STK3: variants seen among roughly 807,000 people sequenced by gnomAD.
STK3 encodes the protein serine/threonine-protein kinase 3.
Under a neutral mutation model 58.0 loss-of-function variants are expected in STK3, and 41 were observed. The ratio of observed to expected loss-of-function variants is 0.71; its 90% CI spans 0.55 to 0.92. The LOEUF (loss-of-function observed/expected upper bound fraction) is 0.92, where lower values mean the gene tolerates loss of function less well. Among genes scored for constraint, STK3 ranks in the 40% least tolerant of loss-of-function variants. STK3 has a pLI of 0.00. For missense variants in STK3, 479 were observed against 602.7 expected (o/e 0.79, Z 2.15); for synonymous variants, 170 against 191.0 (o/e 0.89, Z 0.91).
chr8:98,511,995 A>C (rs1264108986), intron 10 of STK3, among the ~76,000 whole-genome samples: 2 of 152,026 alleles, frequency 1.3e-5, no homozygotes, highest in African/African-American at 4.8e-5. Flanking sequence ...TTACACTTTA[A>C]GTTTTAGGGT....
chr8:98,860,459 G>A (rs372820757), intron 3 of STK3, among the ~76,000 whole-genome samples: 11 of 152,306 alleles, frequency 7.2e-5, no homozygotes, highest in African/African-American at 2.6e-4. Flanking sequence ...AAAATCAGAA[G>A]AAAGACCAGT....
At chr8:98,554,203 G>T (rs137975208) in intron 8 of STK3, among the ~76,000 whole-genome samples, 29 of 152,172 alleles carry the variant, frequency 1.9e-4, no homozygotes, top group African/African-American at 6.7e-4. Context: ...GCAAGAACAT[G>T]TTTCATTTTC....
intron 8 of STK3, among the ~76,000 whole-genome samples, chr8:98,555,666 C>A (rs918738970): frequency 2.0e-5 from 3 of 151,970 alleles, no homozygotes; most frequent in Non-Finnish European, 2.9e-5. Flanking sequence ...CAGAAAAAAA[C>A]GTGTAAAATA....
chr8:98,524,365 T>A (rs896420385), intron 10 of STK3, among the ~76,000 whole-genome samples: 6 of 152,236 alleles, frequency 3.9e-5, no homozygotes, highest in African/African-American at 7.2e-5. Flanking sequence ...AATTTTAGGA[T>A]GAGTTTTTTT....
At chr8:98,386,074 G>A (rs1281216787) in intron 1 of STK3, among the ~76,000 whole-genome samples, 1 of 152,172 alleles carries the variant, frequency 6.6e-6, no homozygotes, top group African/African-American at 2.4e-5. Context: ...AATATACTCT[G>A]TTAGGTAGGC....
Position 98,937,909 on chromosome 8 carries a change from A to G in STK3, c.-79+4469T>C, listed in dbSNP as rs529240325. Among the ~76,000 whole-genome samples, 3 of 152,362 alleles carry G rather than the reference A, an allele frequency of 2.0e-5. No individual in the cohort carries two copies. The South Asian group carries it at 6.2e-4, about 32-fold the overall frequency. ...CTATATCAAACCATCTGCACTGGGA[A>G]GCAAAATTCTGTTAAGAAATAGAAT... is the stretch of plus-strand genomic sequence containing the variant. On this transcript the variant is annotated intron_variant, in intron 1 of 1. Coordinates refer to the STK3 transcript ENST00000519420.
chr8:98,856,067 G>A (rs1564064189), intron 3 of STK3, among the ~76,000 whole-genome samples: 1 of 145,996 alleles, frequency 6.8e-6, no homozygotes, highest in Non-Finnish European at 1.5e-5. Context: ...TGAGGGAGGA[G>A]AAGTTTGAAC....
At chr8:98,832,754 C>T (rs1328252285) in intron 3 of STK3, among the ~76,000 whole-genome samples, 11 of 152,160 alleles carry the variant, frequency 7.2e-5, no homozygotes, top group Admixed American at 6.5e-4. Context: ...TTTCTCACTG[C>T]TCTGCTGTGC....
At chr8:98,595,971 A>G in intron 7 of STK3, 61 bp downstream of exon 7, 1 of 1,554,848 alleles carries the variant, frequency 6.4e-7, no homozygotes, top group Non-Finnish European at 8.8e-7. Flanking sequence ...AATTCTGGCC[A>G]ATGTCAGAAA....
intron 8 of STK3, among the ~76,000 whole-genome samples, chr8:98,563,663 G>A (rs1165400200): frequency 6.6e-6 from 1 of 152,126 alleles, no homozygotes; most frequent in Non-Finnish European, 1.5e-5. Context: ...GTGTCAGAGA[G>A]TAAGGAAGAG....
intron 3 of STK3, among the ~76,000 whole-genome samples, chr8:98,871,055 T>C (rs1473401993): frequency 3.9e-5 from 6 of 152,238 alleles, no homozygotes; most frequent in Admixed American, 6.5e-5. Flanking sequence ...TTCAGCTTTC[T>C]ACATATGGCT....
intron 3 of STK3, chr8:98,427,929 C>G (rs756172734): frequency 2.1e-6 from 3 of 1,420,694 alleles, no homozygotes; most frequent in Non-Finnish European, 2.8e-6. Flanking sequence ...CTGTTCCCTC[C>G]GCTTCCAGGT....
At chr8:98,705,380 T>C (rs968411066) in intron 6 of STK3, among the ~76,000 whole-genome samples, 2 of 146,844 alleles carry the variant, frequency 1.4e-5, no homozygotes, top group African/African-American at 2.5e-5. Flanking sequence ...ACTACTACAA[T>C]CCAGGCTGGG....
chr8:98,492,940 C>A (rs1822815935), intron 10 of STK3, among the ~76,000 whole-genome samples: 1 of 152,044 alleles, frequency 6.6e-6, no homozygotes, highest in African/African-American at 2.4e-5. Context: ...ATATAAAAAT[C>A]ATCAAGTATG....
intron 6 of STK3, among the ~76,000 whole-genome samples, chr8:98,600,758 G>A (rs1447183297): frequency 6.6e-6 from 1 of 152,142 alleles, no homozygotes; most frequent in Non-Finnish European, 1.5e-5. Flanking sequence ...AGGGTGCTAA[G>A]TAAACTATAT....
At chr8:98,937,219 G>GT (rs1319792288) in intron 1 of STK3, among the ~76,000 whole-genome samples, 1 of 152,172 alleles carries the variant, frequency 6.6e-6, no homozygotes, top group Non-Finnish European at 1.5e-5. Flanking sequence ...AGAATGATTT[G>GT]TTTTTTCTCT....
intron 9 of STK3, among the ~76,000 whole-genome samples, chr8:98,543,344 T>G (rs1810440959): frequency 6.6e-6 from 1 of 152,126 alleles, no homozygotes; most frequent in Non-Finnish European, 1.5e-5. Flanking sequence ...TGGGAGGGCA[T>G]AAGCAGAAGA....
chr8:98,821,854 G>A lies in STK3; in HGVS notation c.26+3661C>T, dbSNP rs148881747. On this transcript the variant is annotated intron_variant, in intron 1 of 10. Transcript: ENST00000419617. ...AAATCAATGAATATGAGGGTGAGAGGTGCCTTAAAAATCATCTAGGTCTCT... is the reference window on the plus strand; with the variant it reads ...AAATCAATGAATATGAGGGTGAGAGATGCCTTAAAAATCATCTAGGTCTCT... Among the ~76,000 whole-genome samples, 1,052 of 151,984 alleles carry A rather than the reference G, an allele frequency of 6.9e-3. 8 individuals are homozygous for A. Among genetic ancestry groups the A allele is most frequent in the African/African-American group, 0.024 (987 of 41,438 alleles).
intron 6 of STK3, among the ~76,000 whole-genome samples, chr8:98,615,251 C>T (rs1227781926): frequency 4.7e-5 from 7 of 149,370 alleles, no homozygotes; most frequent in Admixed American, 2.7e-4. Context: ...GCTGAGGGTC[C>T]TGTCTGTTAG....
Sources: allele counts gnomAD v4.1 joint callset (sites outside exome capture counted in the v4.1 genomes callset), GRCh38; gene constraint gnomAD v4.1.1; transcripts MANE v1.5; gene names NCBI Gene and HGNC (gene_info 2026-07-23, HGNC 2026-07-21).